PLCG2: variants seen among roughly 807,000 people sequenced by gnomAD.
The protein encoded by PLCG2 is phospholipase C gamma 2.
PLCG2 carries 69 observed loss-of-function variants against 175.6 expected under a neutral mutation model. That is an observed-to-expected ratio of 0.39 (90% CI 0.32 to 0.48). The LOEUF (loss-of-function observed/expected upper bound fraction) is 0.48, where lower values mean the gene tolerates loss of function less well. PLCG2 is among the 20% of genes least tolerant of loss of function. The probability of loss-of-function intolerance (pLI) is 0.91; values close to 1 mark genes in which losing one functional copy is unlikely to be tolerated. For missense variants in PLCG2, 1,798 were observed against 1,650.9 expected (o/e 1.09, Z -1.54); for synonymous variants, 827 against 624.0 (o/e 1.33, Z -4.85).
intron 18 of PLCG2, 149 bp from the exon 19 acceptor site, chr16:81,912,448 G>A: frequency 1.1e-6 from 1 of 926,582 alleles, no homozygotes; most frequent in Non-Finnish European, 1.6e-6. Flanking sequence ...AGGTGCCTTT[G>A]TCTGGGGAAG....
chr16:81,954,815 T>TTAAA, intron 31 of PLCG2, among the ~76,000 whole-genome samples: 1 of 152,334 alleles, frequency 6.6e-6, no homozygotes, highest in South Asian at 2.1e-4. Flanking sequence ...TGCGTGGGTC[T>TTAAA]TTATAGTAGA....
In PLCG2 at chr16:81,946,224, G is replaced by C. The variant is rs1911143211; in HGVS notation, c.3531G>C (p.Leu1177=). Residue 1177 remains leucine (L), a synonymous_variant, in exon 31 of 33, where the codon CTG becomes CTC. Coordinates refer to ENST00000564138, the MANE Select transcript of PLCG2 (RefSeq NM_002661.5). ...LKNGYSEDIE[L]ASLLVFCEMR... is the part of the protein sequence containing the mutation. ...ATGGGTACAGCGAGGACATAGAGCT[G>C]GCTTCCCTCCTGGTTTTCTGTGAGA... The C allele has an allele frequency of 6.2e-7, 1 of 1,613,830 alleles. No homozygotes were observed. Among genetic ancestry groups the C allele is most frequent in the Non-Finnish European group, 8.5e-7 (1 of 1,179,856 alleles).
intron 32 of PLCG2, among the ~76,000 whole-genome samples, 199 bp from the exon 33 acceptor site, chr16:81,957,757 G>T (rs752026570): frequency 9.9e-5 from 15 of 152,156 alleles, no homozygotes; most frequent in Non-Finnish European, 2.1e-4. Context: ...CTCTTACTCT[G>T]TTTTACCATT....
intron 2 of PLCG2, among the ~76,000 whole-genome samples, chr16:81,840,309 A>G (rs7350826): frequency 0.63 from 95,952 of 151,986 alleles, 30,693 homozygotes; most frequent in East Asian, 0.71. Flanking sequence ...CAGCAGTCCC[A>G]GACTTTTTTG....
intron 12 of PLCG2, among the ~76,000 whole-genome samples, chr16:81,895,194 G>A (rs368164634): frequency 2.6e-5 from 4 of 152,208 alleles, no homozygotes; most frequent in South Asian, 2.1e-4. Flanking sequence ...TCATTTCCAC[G>A]GGCAGAAAAG....
intron 27 of PLCG2, among the ~76,000 whole-genome samples, 175 bp downstream of exon 27, chr16:81,936,553 G>A (rs940373910): frequency 6.6e-6 from 1 of 152,202 alleles, no homozygotes; most frequent in Non-Finnish European, 1.5e-5. Context: ...CTGAATGGAG[G>A]GATGAGAGGA....
At chr16:81,832,171 T>C (rs1271494949) in intron 2 of PLCG2, among the ~76,000 whole-genome samples, 2 of 152,318 alleles carry the variant, frequency 1.3e-5, no homozygotes, top group African/African-American at 2.4e-5. Flanking sequence ...ATAAAGCCTT[T>C]GCTCAGTGCC....
At chr16:81,836,130 T>G (rs946475755) in intron 2 of PLCG2, among the ~76,000 whole-genome samples, 3 of 152,090 alleles carry the variant, frequency 2.0e-5, no homozygotes, top group African/African-American at 7.2e-5. Flanking sequence ...AAGACCAGAG[T>G]CATTTTCATC....
chr16:81,946,000 C>G (rs1311686840), intron 30 of PLCG2, among the ~76,000 whole-genome samples, 175 bp from the exon 31 acceptor site: 2 of 152,248 alleles, frequency 1.3e-5, no homozygotes, highest in Admixed American at 6.5e-5. Flanking sequence ...CTGCCGGCCT[C>G]TGTCCCTAAC....
At chr16:81,841,493 G>A (rs1456645434) in intron 2 of PLCG2, among the ~76,000 whole-genome samples, 1 of 151,964 alleles carries the variant, frequency 6.6e-6, no homozygotes, top group Non-Finnish European at 1.5e-5. Context: ...TGCCCACTTC[G>A]GCCTCCCAAG....
chr16:81,914,654 G>C (rs1463770784), intron 19 of PLCG2, among the ~76,000 whole-genome samples: 1 of 152,214 alleles, frequency 6.6e-6, no homozygotes, highest in Non-Finnish European at 1.5e-5. Flanking sequence ...AGATGCAGGA[G>C]TGATAAAAAC....
chr16:81,815,945 C>T (rs1335855843), intron 2 of PLCG2, among the ~76,000 whole-genome samples: 2 of 151,914 alleles, frequency 1.3e-5, no homozygotes, highest in Non-Finnish European at 2.9e-5. Context: ...GCCTGTAATC[C>T]TGGCTACTCA....
intron 7 of PLCG2, among the ~76,000 whole-genome samples, chr16:81,875,940 T>C (rs913226822): frequency 3.9e-5 from 6 of 152,034 alleles, no homozygotes; most frequent in Admixed American, 6.6e-5. Flanking sequence ...TTTATTCTTA[T>C]TGTCAGTGGC....
At chr16:81,818,686 G>A (rs1489547141) in intron 2 of PLCG2, among the ~76,000 whole-genome samples, 5 of 151,934 alleles carry the variant, frequency 3.3e-5, no homozygotes, top group Admixed American at 6.6e-5. Context: ...TTGGCACTGT[G>A]GGCAGCAGGA....
At chr16:81,835,308 G>T (rs1484087852) in intron 2 of PLCG2, among the ~76,000 whole-genome samples, 2 of 152,174 alleles carry the variant, frequency 1.3e-5, no homozygotes, top group African/African-American at 4.8e-5. Flanking sequence ...TAATAATAAT[G>T]AAGATGGCCG....
chr16:81,743,871 T>G (rs919749356), intron 1 of PLCG2, among the ~76,000 whole-genome samples: 1 of 151,902 alleles, frequency 6.6e-6, no homozygotes, highest in Non-Finnish European at 1.5e-5. Flanking sequence ...TTTTCTTTTT[T>G]TTTTTAAGAC....
chr16:81,828,236 T>C (rs993286932), intron 2 of PLCG2, among the ~76,000 whole-genome samples: 145 of 2,450 alleles, frequency 0.059, 1 homozygote, highest in African/African-American at 0.11. Context: ...AGAAATGTCA[T>C]TTTTTTTTTT....
chr16:81,876,278 C>T (rs982530550), intron 7 of PLCG2, among the ~76,000 whole-genome samples: 4 of 152,160 alleles, frequency 2.6e-5, no homozygotes, highest in Non-Finnish European at 4.4e-5. Context: ...CCGCCTTGGC[C>T]TCCCATAGTG....
chr16:81,907,853 C>A (rs1463885575), intron 16 of PLCG2, 79 bp downstream of exon 16: 18 of 980,374 alleles, frequency 1.8e-5, no homozygotes, highest in Non-Finnish European at 2.9e-5. Context: ...ACCTCCTTCC[C>A]ATGTGGCTTC....
Sources: allele counts gnomAD v4.1 joint callset (sites outside exome capture counted in the v4.1 genomes callset), GRCh38; gene constraint gnomAD v4.1.1; transcripts MANE v1.5; gene names NCBI Gene and HGNC (gene_info 2026-07-23, HGNC 2026-07-21).